The following SAP30L variants were observed in gnomAD, a reference collection of about 807,000 sequenced individuals.
SAP30L encodes the protein SAP30 like, also known as histone deacetylase complex subunit SAP30L.
SAP30L carries 10 observed loss-of-function variants against 22.3 expected under a neutral mutation model. The ratio of observed to expected loss-of-function variants is 0.45; its 90% CI spans 0.28 to 0.76. The LOEUF is 0.76. Among genes scored for constraint, SAP30L ranks in the 30% least tolerant of loss-of-function variants. SAP30L has a pLI of 0.14. For synonymous variants in SAP30L, 91 were observed against 94.1 expected, an observed-to-expected ratio of 0.97 and a Z score of 0.19; for missense variants, 206 against 237.9, an observed-to-expected ratio of 0.87 and a Z score of 0.88.
chr5:154,447,348 G>T (rs1757041984), intron 1 of SAP30L, among the ~76,000 whole-genome samples: 2 of 152,244 alleles, frequency 1.3e-5, no homozygotes, highest in South Asian at 4.1e-4. Flanking sequence ...CCAAGGCCAG[G>T]TCTTGAGAAA....
Position 154,458,787 on chromosome 5 carries a change from T to C in SAP30L, c.*2759T>C, listed in dbSNP as rs1428102562. ...TTTTAAAAACCAATGGACAAACTTC[T>C]TGCTTCAAGGAACAAACTCTTAGGT... On this transcript the variant is annotated 3_prime_UTR_variant, in exon 4 of 4. Transcript: ENST00000297109. The C allele has an allele frequency of 6.6e-6, 1 of 152,170 alleles. No homozygotes were observed. Among genetic ancestry groups the C allele is most frequent in the African/African-American group, 2.4e-5 (1 of 41,426 alleles). 9.4% of individuals were successfully genotyped at this position (152,170 alleles called of 1,614,324 possible).
intron 1 of SAP30L, among the ~76,000 whole-genome samples, chr5:154,450,693 C>T (rs1757119939): frequency 6.6e-6 from 1 of 152,156 alleles, no homozygotes; most frequent in South Asian, 2.1e-4. Flanking sequence ...CCCTGGGCCT[C>T]CTCACTCTTT....
intron 2 of SAP30L, chr5:154,452,382 A>AC: frequency 2.0e-6 from 1 of 506,242 alleles, no homozygotes; most frequent in Non-Finnish European, 2.5e-6. Flanking sequence ...AAAAAAAAAA[A>AC]GGTTTTGAGG....
chr5:154,446,525 C>G lies in SAP30L; in HGVS notation c.-80C>G, dbSNP rs1197911663. The G allele has an allele frequency of 1.6e-6, 2 of 1,214,860 alleles. No individual in the cohort carries two copies. The highest frequency in any genetic ancestry group is 3.2e-5 in the African/African-American group (2 of 62,272). 75.3% of individuals were successfully genotyped at this position (1,214,860 alleles called of 1,614,324 possible). The stretch of plus-strand genomic sequence containing the variant: ...GGACCCTCGGCTGCGGGGGTCTCAG[C>G]GACCTGCCCCGCGGCAAGCGCGGCC... On this transcript the variant is annotated 5_prime_UTR_variant, in exon 1 of 4. Coordinates refer to ENST00000297109, the MANE Select transcript of SAP30L (RefSeq NM_024632.6).
At chr5:154,453,000 G>A (rs951270509) in intron 2 of SAP30L, 1 of 169,522 alleles carries the variant, frequency 5.9e-6, no homozygotes, top group Admixed American at 5.8e-5. Flanking sequence ...AGCTCCTTCT[G>A]TTTTTCTGGA....
intron 1 of SAP30L, 130 bp downstream of exon 1, chr5:154,446,935 T>C (rs575198520): frequency 6.2e-5 from 44 of 706,450 alleles, no homozygotes; most frequent in East Asian, 1.5e-4. Context: ...CAGAACTGAG[T>C]TGGACTCCGC....
intron 2 of SAP30L, among the ~76,000 whole-genome samples, chr5:154,452,922 C>T (rs1266437846): frequency 1.3e-5 from 2 of 152,044 alleles, no homozygotes; most frequent in Non-Finnish European, 2.9e-5. Context: ...CCTCCGTATC[C>T]CCCCATCAGT....
intron 1 of SAP30L, among the ~76,000 whole-genome samples, chr5:154,447,969 C>CTTTTTTTTTTTTTTTTTTTTTTTTTTT (rs140213326): frequency 1.1e-3 from 97 of 88,366 alleles, no homozygotes; most frequent in Non-Finnish European, 1.2e-3. Flanking sequence ...TTTTCTTTTT[C>CTTTTTTTTTTTTTTTTTTTTTTTTTTT]TTTTTTTTTT....
intron 3 of SAP30L, among the ~76,000 whole-genome samples, chr5:154,455,130 C>G (rs1449254144): frequency 6.6e-6 from 1 of 152,156 alleles, no homozygotes. Flanking sequence ...GTTGGCCAGG[C>G]TGGTCTCGGA....
Position 154,446,811 on chromosome 5 carries a change from T to A in SAP30L, c.201+6T>A. 6.3e-7 allele frequency: 1 copy of A among 1,598,758 alleles called. No homozygotes were observed. Among genetic ancestry groups the A allele is most frequent in the Non-Finnish European group, 8.5e-7 (1 of 1,173,840 alleles). ...AGCTGGACATCGACAAGAGCGTGAG[T>A]CCGCCCCCGCTCGCGTCTGGGCCCC... On this transcript the variant is annotated splice_donor_region_variant and intron_variant, in intron 1 of 3. Coordinates refer to ENST00000297109, the MANE Select transcript of SAP30L (RefSeq NM_024632.6).
intron 3 of SAP30L, among the ~76,000 whole-genome samples, chr5:154,454,224 G>A (rs1453673849): frequency 6.6e-6 from 1 of 152,026 alleles, no homozygotes; most frequent in Non-Finnish European, 1.5e-5. Flanking sequence ...CTCCTACTCT[G>A]GTGTTGGTAA....
At position 154,460,892 on chromosome 5, in the gene SAP30L, G is replaced by T. The variant is rs1331419288; in HGVS notation, c.*4864G>T. ...TACTTGTTTCCTGCCAAATCTGGGG[G>T]ATCATTTGTATTTTAACTTCGTAAT... On this transcript the variant is annotated 3_prime_UTR_variant, in exon 4 of 4. Coordinates refer to ENST00000297109, the MANE Select transcript of SAP30L (RefSeq NM_024632.6). 2 of 152,136 alleles carry T rather than the reference G, an allele frequency of 1.3e-5. No homozygotes were observed. The highest frequency in any genetic ancestry group is 4.8e-5 in the African/African-American group (2 of 41,410). The allele number at this position is 152,136 out of a possible 1,614,324, so 9.4% of individuals were successfully genotyped here. A position where few individuals can be genotyped will look rare whatever the true frequency, so the allele number is the denominator to read the frequency against.
chr5:154,453,711 G>A (rs138008838), intron 3 of SAP30L, among the ~76,000 whole-genome samples: 2 of 152,316 alleles, frequency 1.3e-5, no homozygotes, highest in Non-Finnish European at 2.9e-5. Context: ...CACAGAAAGA[G>A]GAAAGGATTT....
intron 3 of SAP30L, among the ~76,000 whole-genome samples, chr5:154,455,411 G>A (rs994390977): frequency 5.3e-5 from 8 of 152,122 alleles, no homozygotes; most frequent in African/African-American, 1.9e-4. Context: ...TCTCCACTGT[G>A]TTGCCTAGGC....
intron 1 of SAP30L, among the ~76,000 whole-genome samples, chr5:154,450,741 T>C (rs1012801627): frequency 2.6e-5 from 4 of 152,194 alleles, no homozygotes; most frequent in African/African-American, 9.7e-5. Context: ...GTCTTGGCAC[T>C]CCTACCCATC....
intron 2 of SAP30L, chr5:154,452,513 A>C (rs1757165608): frequency 2.0e-6 from 2 of 983,336 alleles, no homozygotes; most frequent in Non-Finnish European, 2.4e-6. Context: ...AAGGCAGCCC[A>C]ACTTTATGGG....
In SAP30L at chr5:154,458,173, T is replaced by C. The variant is rs2113285353; in HGVS notation, c.*2145T>C. The C allele has an allele frequency of 6.6e-6, 1 of 152,358 alleles. No homozygotes were observed. Among genetic ancestry groups the C allele is most frequent in the African/African-American group, 2.4e-5 (1 of 41,578 alleles). The allele number at this position is 152,358 out of a possible 1,614,324, so 9.4% of individuals were successfully genotyped here. ...CGAAACCTGGGGAAATGTTTTACCT[T>C]CAGCCAGATGCTGTGTGTGTACTTG... On this transcript the variant is annotated 3_prime_UTR_variant, in exon 4 of 4. Transcript: ENST00000297109.
At position 154,460,756 on chromosome 5, in the gene SAP30L, A is replaced by G. The variant is rs748029892; in HGVS notation, c.*4728A>G. 2.6e-5 allele frequency: 4 copies of G among 152,200 alleles called. No homozygotes were observed. The highest frequency in any genetic ancestry group is 6.5e-5 in the Admixed American group (1 of 15,278). 9.4% of individuals were successfully genotyped at this position (152,200 alleles called of 1,614,324 possible). ...TTCTTTTACATTTCTATTGTCTGCT[A>G]CGCTCATCAGAGTATATTTTGGGGT... On this transcript the variant is annotated 3_prime_UTR_variant, in exon 4 of 4. Transcript: ENST00000297109.
chr5:154,452,958 A>G (rs1582042823), intron 2 of SAP30L: 2 of 161,446 alleles, frequency 1.2e-5, no homozygotes, highest in Admixed American at 6.0e-5. Context: ...CACCAGACCC[A>G]TCCTGCGCCA....
Sources: allele counts gnomAD v4.1 joint callset (sites outside exome capture counted in the v4.1 genomes callset), GRCh38; gene constraint gnomAD v4.1.1; transcripts MANE v1.5; gene names NCBI Gene and HGNC (gene_info 2026-07-23, HGNC 2026-07-21).